Variants in SMARCA2 observed in about 807,000 individuals in gnomAD.
SMARCA2 encodes the protein SWI/SNF related BAF chromatin remodeling complex subunit ATPase 2, also known as SWI/SNF-related matrix-associated actin-dependent regulator of chromatin subfamily A member 2.
SMARCA2 carries 61 observed loss-of-function variants against 199.8 expected under a neutral mutation model. The ratio of observed to expected loss-of-function variants is 0.31; its 90% CI spans 0.25 to 0.38. SMARCA2 has a LOEUF of 0.38. Ranked by LOEUF, SMARCA2 falls within the 10% of genes least tolerant of loss-of-function variation. The pLI, the probability that SMARCA2 is intolerant of heterozygous loss-of-function variation, is 1.00. For missense variants in SMARCA2, 1,344 were observed against 2,012.2 expected, an observed-to-expected ratio of 0.67 and a Z score of 6.35; for synonymous variants, 935 against 732.0, an observed-to-expected ratio of 1.28 and a Z score of -4.48.
At chr9:2,158,894 TGTGTTTGGG>T in intron 27 of SMARCA2, 3 of 1,591,656 alleles carry the variant, frequency 1.9e-6, no homozygotes, top group Non-Finnish European at 2.6e-6. Context: ...TGCATATGGA[TGTGTTTGGG>T]GTCTTTGGGG....
intron 5 of SMARCA2, among the ~76,000 whole-genome samples, chr9:2,052,002 GTAA>G (rs1392535732): frequency 3.3e-5 from 5 of 152,148 alleles, no homozygotes; most frequent in African/African-American, 1.2e-4. Context: ...AAAAACCACG[GTAA>G]TAATCTCACG....
intron 4 of SMARCA2, chr9:2,044,913 A>C (rs777176181): frequency 1.3e-5 from 2 of 152,226 alleles, no homozygotes; most frequent in Non-Finnish European, 2.9e-5. Context: ...GTCCATGCAT[A>C]TATCAGATCT....
At chr9:2,122,352 A>G (rs1047982752) in intron 26 of SMARCA2, among the ~76,000 whole-genome samples, 1 of 152,108 alleles carries the variant, frequency 6.6e-6, no homozygotes, top group African/African-American at 2.4e-5. Context: ...TTAGCTCTCT[A>G]ATAACTATTA....
chr9:2,188,888 T>G (rs1010127421), intron 32 of SMARCA2, among the ~76,000 whole-genome samples: 3 of 152,232 alleles, frequency 2.0e-5, no homozygotes, highest in Non-Finnish European at 4.4e-5. Flanking sequence ...TGGCTGCCAG[T>G]GGAAGGCTGT....
chr9:2,119,325 A>C lies in SMARCA2; in HGVS notation c.3685-133A>C, dbSNP rs1465294007. The C allele has an allele frequency of 5.3e-5, 33 of 627,972 alleles. No individual in the cohort carries two copies. The highest frequency in any genetic ancestry group is 8.8e-5 in the Non-Finnish European group (31 of 352,376). 38.9% of individuals were successfully genotyped at this position (627,972 alleles called of 1,614,324 possible). A position where few individuals can be genotyped will look rare whatever the true frequency, so the allele number is the denominator to read the frequency against. ...TGTAAAATAGTAACGTCAAGGACTA[A>C]ATCCAGCAACCCCTTCCCTTTTCTT... On this transcript the variant is annotated intron_variant, in intron 25 of 33. Transcript: ENST00000349721. This position sits in a 1 kb window ranked among gnomAD's most constrained non-coding sequence, Gnocchi z 4.6.
chr9:2,101,726 A>G (rs993276031), intron 22 of SMARCA2, 110 bp downstream of exon 22: 1 of 556,518 alleles, frequency 1.8e-6, no homozygotes, highest in Admixed American at 3.6e-5. Context: ...CAGCCCTCTA[A>G]GGGCTCTTCA....
Position 2,178,229 on chromosome 9 carries a change from C to T in SMARCA2, c.4254-3342C>T, listed in dbSNP as rs79514858. 4.4e-3 allele frequency among the ~76,000 whole-genome samples: 676 copies of T among 152,148 alleles called. 2 individuals carry two copies. Among genetic ancestry groups the T allele is most frequent in the African/African-American group, 0.016 (645 of 41,490 alleles). ...TTCTTGTCCACCAACACCTGTGAAC[C>T]GTAAGACCAGTGAGTGCCTTTAAAC... On this transcript the variant is annotated intron_variant, in intron 29 of 33. Coordinates refer to ENST00000349721, the MANE Select transcript of SMARCA2 (RefSeq NM_003070.5).
intron 29 of SMARCA2, chr9:2,181,366 A>G (rs1430792604): frequency 2.2e-6 from 1 of 452,340 alleles, no homozygotes; most frequent in Non-Finnish European, 3.9e-6. Flanking sequence ...AGTGGGGACC[A>G]AATTGTATTT....
At chr9:2,082,720 G>C (rs1363821256) in intron 15 of SMARCA2, among the ~76,000 whole-genome samples, 1 of 152,154 alleles carries the variant, frequency 6.6e-6, no homozygotes, top group Non-Finnish European at 1.5e-5. Context: ...TATGAACTTG[G>C]ACCTTCAGTA....
At chr9:2,025,467 G>C (rs745533929) in intron 1 of SMARCA2, among the ~76,000 whole-genome samples, 2 of 152,178 alleles carry the variant, frequency 1.3e-5, no homozygotes, top group African/African-American at 2.4e-5. Flanking sequence ...AATAGATTTT[G>C]TGTGTTATTA....
intron 32 of SMARCA2, 60 bp downstream of exon 32, chr9:2,186,288 C>A: frequency 1.3e-6 from 2 of 1,528,014 alleles, no homozygotes; most frequent in South Asian, 1.2e-5. Flanking sequence ...ATAGCTGTCT[C>A]CACAGATGTT....
At chr9:2,077,182 G>A (rs972281038) in intron 13 of SMARCA2, among the ~76,000 whole-genome samples, 18 of 152,036 alleles carry the variant, frequency 1.2e-4, no homozygotes, top group Admixed American at 5.9e-4. Context: ...TTTAATGTTG[G>A]GTTGCCCTCT....
intron 27 of SMARCA2, among the ~76,000 whole-genome samples, chr9:2,154,671 C>T (rs909009278): frequency 1.3e-5 from 2 of 152,196 alleles, no homozygotes; most frequent in African/African-American, 4.8e-5. Flanking sequence ...GCTCAGGCCT[C>T]ACACATTCAT....
intron 27 of SMARCA2, among the ~76,000 whole-genome samples, chr9:2,133,488 G>A (rs570747890): frequency 2.8e-4 from 43 of 152,000 alleles, no homozygotes; most frequent in African/African-American, 8.9e-4. Context: ...TCACTCAATT[G>A]CCTAGGCTGG....
intron 4 of SMARCA2, chr9:2,042,469 G>A (rs1469187951): frequency 6.6e-6 from 1 of 152,216 alleles, no homozygotes; most frequent in African/African-American, 2.4e-5. Context: ...AGTTAAGAAT[G>A]TAGGAAGCAG....
At chr9:2,187,664 A>T (rs1400045324) in intron 32 of SMARCA2, among the ~76,000 whole-genome samples, 1 of 152,092 alleles carries the variant, frequency 6.6e-6, no homozygotes, top group Non-Finnish European at 1.5e-5. Flanking sequence ...GCAACAGAAC[A>T]AAACTCTATC....
In SMARCA2 at chr9:2,039,349, G is replaced by C. The variant is rs1819475612; in HGVS notation, c.356-117G>C. The C allele has an allele frequency of 2.3e-6, 2 of 873,082 alleles. No individual in the cohort carries two copies. Among genetic ancestry groups the C allele is most frequent in the South Asian group, 1.8e-5 (1 of 56,804 alleles). 54.1% of individuals were successfully genotyped at this position (873,082 alleles called of 1,614,324 possible). ...ACTCCATATAATTAATAAATGATAT[G>C]TCATTCAAATTTCTGTCAGACAGTG... On this transcript the variant is annotated intron_variant, in intron 3 of 33. Transcript: ENST00000349721. This position sits in a 1 kb window ranked among gnomAD's most constrained non-coding sequence, Gnocchi z 4.8.
At chr9:2,033,618 C>T (rs1819170813) in intron 3 of SMARCA2, among the ~76,000 whole-genome samples, 1 of 152,216 alleles carries the variant, frequency 6.6e-6, no homozygotes, top group Non-Finnish European at 1.5e-5. Flanking sequence ...GTGGCTGGGC[C>T]TGCCATAGCA....
At chr9:2,107,399 C>A (rs577809706) in intron 23 of SMARCA2, among the ~76,000 whole-genome samples, 7 of 152,328 alleles carry the variant, frequency 4.6e-5, no homozygotes, top group African/African-American at 1.2e-4. Flanking sequence ...CTCCCTGCAA[C>A]CTCCGCCTCC....
Sources: gnomAD v4.1 joint callset for allele counts (sites outside exome capture counted in the v4.1 genomes callset) on GRCh38, gnomAD v4.1.1 for gene constraint, Gnocchi (gnomAD v3.1) non-coding constraint, MANE v1.5 for transcripts, NCBI Gene and HGNC (gene_info 2026-07-23, HGNC 2026-07-21) for gene names.